The following LRP6 variants were observed in gnomAD, a reference collection of about 807,000 sequenced individuals.
The protein encoded by LRP6 is low-density lipoprotein receptor-related protein 6.
LRP6 carries 43 observed loss-of-function variants against 184.1 expected under a neutral mutation model. The ratio of observed to expected loss-of-function variants is 0.23; its 90% CI spans 0.18 to 0.30. The LOEUF (loss-of-function observed/expected upper bound fraction) is 0.30. Ranked by LOEUF, LRP6 falls within the 10% of genes least tolerant of loss-of-function variation. The probability of loss-of-function intolerance (pLI) is 1.00; values close to 1 mark genes in which losing one functional copy is unlikely to be tolerated. For synonymous variants in LRP6, 719 were observed against 684.9 expected (o/e 1.05, Z -0.78); for missense variants, 1,571 against 2,005.3 (o/e 0.78, Z 4.14).
At chr12:12,151,570 C>T (rs905202783) in intron 12 of LRP6, among the ~76,000 whole-genome samples, 3 of 151,884 alleles carry the variant, frequency 2.0e-5, no homozygotes, top group Non-Finnish European at 2.9e-5. Flanking sequence ...GTTTACTCAG[C>T]GGTAAAATAA....
chr12:12,145,650 C>T (rs1221777487), intron 15 of LRP6, among the ~76,000 whole-genome samples: 2 of 118,550 alleles, frequency 1.7e-5, no homozygotes, highest in Non-Finnish European at 3.4e-5. Flanking sequence ...TTTTTTGAGA[C>T]AGTCTCGTTC....
At chr12:12,158,800 A>G in intron 12 of LRP6, 29 bp downstream of exon 12, 1 of 1,605,428 alleles carries the variant, frequency 6.2e-7, no homozygotes, top group Non-Finnish European at 8.5e-7. Flanking sequence ...CTCTCATTCT[A>G]GCTTGCTTTG....
intron 2 of LRP6, among the ~76,000 whole-genome samples, chr12:12,227,790 T>C (rs930665675): frequency 6.6e-6 from 1 of 152,144 alleles, no homozygotes; most frequent in African/African-American, 2.4e-5. Context: ...TTTTAGCTTA[T>C]ATATAAGTGA....
At chr12:12,266,557 C>G (rs1038404821) in intron 1 of LRP6, 124 bp downstream of exon 1, 2 of 852,616 alleles carry the variant, frequency 2.3e-6, no homozygotes, top group African/African-American at 3.5e-5. Context: ...CTCCCCACGA[C>G]CAGGCCTCTC....
At chr12:12,248,843 T>C (rs911857641) in intron 1 of LRP6, 7 of 256,712 alleles carry the variant, frequency 2.7e-5, no homozygotes, top group African/African-American at 9.2e-5. Context: ...CCTACCTATA[T>C]AGAATGTTCT....
rs912665133 is a variant in LRP6 at position 12,266,920 on chromosome 12, C to G, written c.-185G>C. On this transcript the variant is annotated 5_prime_UTR_variant, in exon 1 of 23. Coordinates refer to ENST00000261349, the MANE Select transcript of LRP6 (RefSeq NM_002336.3). ...GCCGCCGCCGCCCTCTCTACCGCGC[C>G]GCTCGGCCCCGGGCTCGCGCGACGC... The G allele has an allele frequency of 4.8e-6, 3 of 623,510 alleles. No homozygotes were observed. In the African/African-American group the frequency reaches 5.7e-5, roughly 12 times the overall value. The allele number at this position is 623,510 out of a possible 1,614,324, so 38.6% of individuals were successfully genotyped here.
At chr12:12,230,998 T>C (rs951337006) in intron 2 of LRP6, among the ~76,000 whole-genome samples, 2 of 151,564 alleles carry the variant, frequency 1.3e-5, no homozygotes, top group African/African-American at 2.4e-5. Flanking sequence ...CTGGCCAATA[T>C]GGTAAAACCC....
chr12:12,249,230 T>C, intron 1 of LRP6: 1 of 849,776 alleles, frequency 1.2e-6, no homozygotes, highest in Non-Finnish European at 2.0e-6. Flanking sequence ...CACCCCCCTT[T>C]GTAAGATTTG....
At chr12:12,186,553 A>AT (rs2137003783) in intron 4 of LRP6, among the ~76,000 whole-genome samples, 1 of 144,812 alleles carries the variant, frequency 6.9e-6, no homozygotes. Flanking sequence ...TAATTTTTGT[A>AT]TTTTTTAGTA....
intron 7 of LRP6, among the ~76,000 whole-genome samples, chr12:12,177,994 A>G (rs1591918029): frequency 6.6e-6 from 1 of 152,314 alleles, no homozygotes; most frequent in East Asian, 1.9e-4. Context: ...TGACGGAGCC[A>G]ATGACACCAC....
At chr12:12,253,831 G>A (rs981393478) in intron 1 of LRP6, among the ~76,000 whole-genome samples, 1 of 152,044 alleles carries the variant, frequency 6.6e-6, no homozygotes, top group African/African-American at 2.4e-5. Context: ...ACAGGCCAGA[G>A]TGCACTTGTC....
intron 2 of LRP6, among the ~76,000 whole-genome samples, chr12:12,233,291 C>T (rs1864839646): frequency 1.3e-5 from 2 of 152,008 alleles, no homozygotes; most frequent in Non-Finnish European, 2.9e-5. Context: ...TGCGCTGAAA[C>T]CCCGCCTCTA....
At chr12:12,248,551 G>C (rs192491630) in intron 1 of LRP6, among the ~76,000 whole-genome samples, 2 of 141,446 alleles carry the variant, frequency 1.4e-5, no homozygotes, top group Non-Finnish European at 3.0e-5. Context: ...GTGCAATCTC[G>C]GCTCACTGCA....
intron 15 of LRP6, among the ~76,000 whole-genome samples, chr12:12,144,138 A>G (rs527848682): frequency 2.6e-5 from 4 of 152,370 alleles, no homozygotes; most frequent in African/African-American, 7.2e-5. Flanking sequence ...TATGCAGTAT[A>G]TATCTTGACA....
rs768379456 is a variant in LRP6 at position 12,159,922 on chromosome 12, G to A, written c.2322C>T (p.Asp774=). ...WTEWGGKPKI[D]RAAMDGSERT... ...GTTCACTTCCATCCATTGCAGCTCTGTCTATCTTAGGTTTTCCACCCCATT... is the reference window on the plus strand; with the variant it reads ...GTTCACTTCCATCCATTGCAGCTCTATCTATCTTAGGTTTTCCACCCCATT... Residue 774 remains aspartate, a synonymous_variant, in exon 11 of 23, where the codon GAC becomes GAT. Transcript: ENST00000261349. 2 of 1,613,716 alleles carry A rather than the reference G, an allele frequency of 1.2e-6. No homozygotes were observed. Among genetic ancestry groups the A allele is most frequent in the South Asian group, 2.2e-5 (2 of 90,986 alleles).
intron 1 of LRP6, among the ~76,000 whole-genome samples, chr12:12,254,143 C>CAAAAAAAAAAAAAAAAA (rs34210761): frequency 3.9e-4 from 29 of 74,314 alleles, no homozygotes; most frequent in East Asian, 4.9e-4. Flanking sequence ...GACTCTGTCT[C>CAAAAAAAAAAAAAAAAA]AAAAAAAAAA....
At chr12:12,264,323 A>G (rs1865703670) in intron 1 of LRP6, among the ~76,000 whole-genome samples, 1 of 152,172 alleles carries the variant, frequency 6.6e-6, no homozygotes, top group African/African-American at 2.4e-5. Flanking sequence ...TATCCACACT[A>G]CCAGTAAAGA....
At chr12:12,245,240 T>G (rs1865156518) in intron 1 of LRP6, among the ~76,000 whole-genome samples, 1 of 152,176 alleles carries the variant, frequency 6.6e-6, no homozygotes. Context: ...GATACTGCCA[T>G]ACAACAGAAA....
intron 20 of LRP6, 57 bp from the exon 21 acceptor site, chr12:12,125,489 A>C: frequency 6.8e-7 from 1 of 1,469,414 alleles, no homozygotes; most frequent in Non-Finnish European, 9.5e-7. Flanking sequence ...AAATGTATCA[A>C]GCAATTTCAT....
Sources: gnomAD v4.1 joint callset for allele counts (sites outside exome capture counted in the v4.1 genomes callset) on GRCh38, gnomAD v4.1.1 for gene constraint, MANE v1.5 for transcripts, NCBI Gene and HGNC (gene_info 2026-07-23, HGNC 2026-07-21) for gene names.